RTCA: variants seen among roughly 807,000 people sequenced by gnomAD.
RTCA encodes RNA 3'-terminal phosphate cyclase.
Under a neutral mutation model 46.1 loss-of-function variants are expected in RTCA, and 37 were observed. The ratio of observed to expected loss-of-function variants is 0.80; its 90% confidence interval spans 0.62 to 1.06. RTCA has a LOEUF of 1.06. Ranked by LOEUF, RTCA falls within the 50% of genes least tolerant of loss-of-function variation. The pLI is 0.00. For synonymous variants in RTCA, 164 were observed against 158.3 expected (o/e 1.04, Z -0.27); for missense variants, 435 against 455.5 (o/e 0.95, Z 0.41).
chr1:100,291,614 A>G lies in RTCA; in HGVS notation c.*110A>G. 2.9e-6 allele frequency: 2 copies of G among 690,048 alleles called. No homozygotes were observed. Among genetic ancestry groups the G allele is most frequent in the Non-Finnish European group, 4.9e-6 (2 of 407,446 alleles). 42.7% of individuals were successfully genotyped at this position (690,048 alleles called of 1,614,324 possible). On this transcript the variant is annotated 3_prime_UTR_variant, in exon 11 of 11. Transcript: ENST00000370128. ...TAAAGGCTATGACTTAAATTTGAAGATGAAGTACAGTGTTCTAGGTTTGCT... is the reference window on the plus strand; with the variant it reads ...TAAAGGCTATGACTTAAATTTGAAGGTGAAGTACAGTGTTCTAGGTTTGCT...
At chr1:100,266,877 G>A (rs187364208) in intron 2 of RTCA, 523 of 513,348 alleles carry the variant, frequency 1.0e-3, no homozygotes, top group African/African-American at 9.4e-3. Context: ...TGAAGAGCTA[G>A]CTTTTAAAAT....
At chr1:100,270,443 A>G (rs879457858) in intron 3 of RTCA, 114 bp from the exon 4 acceptor site, 1 of 1,283,880 alleles carries the variant, frequency 7.8e-7, no homozygotes, top group Non-Finnish European at 1.1e-6. Context: ...ACCTGCCTTC[A>G]CAGTTGTCTG....
At chr1:100,283,592 A>G (rs978397410) in intron 8 of RTCA, among the ~76,000 whole-genome samples, 3 of 152,192 alleles carry the variant, frequency 2.0e-5, no homozygotes, top group Admixed American at 6.6e-5. Context: ...TAGATGCTTT[A>G]TAAATATTAT....
chr1:100,287,291 A>G, intron 10 of RTCA, 88 bp downstream of exon 10: 1 of 851,592 alleles, frequency 1.2e-6, no homozygotes, highest in Non-Finnish European at 1.7e-6. Flanking sequence ...ACTTAATAGT[A>G]ATCATAATTG....
rs774404804 is a variant in RTCA at position 100,287,204 on chromosome 1, G to A, written c.999+1G>A. ...ACATTTTGCTGAACAAATAGCAAAG[G>A]TGAGTATTCTATCAGAAAGGGAAAT... On this transcript the variant is annotated splice_donor_variant, in intron 10 of 10. Transcript: ENST00000370128. LOFTEE classifies it high-confidence loss of function. 2 of 1,545,032 alleles carry A rather than the reference G, an allele frequency of 1.3e-6. No homozygotes were observed. The highest frequency in any genetic ancestry group is 2.4e-5 in the East Asian group (1 of 41,096).
intron 2 of RTCA, chr1:100,267,189 T>A: frequency 3.3e-6 from 1 of 301,028 alleles, no homozygotes; most frequent in Non-Finnish European, 6.1e-6. Flanking sequence ...TAGTTGAGCT[T>A]CAGGTACATG....
chr1:100,287,815 A>G (rs779638754), intron 10 of RTCA, among the ~76,000 whole-genome samples: 21 of 146,198 alleles, frequency 1.4e-4, no homozygotes, highest in Non-Finnish European at 2.4e-4. Flanking sequence ...TTTTTTTGAG[A>G]CAGGGTCTCA....
intron 3 of RTCA, among the ~76,000 whole-genome samples, chr1:100,270,032 C>T (rs942566392): frequency 2.6e-5 from 4 of 152,120 alleles, no homozygotes; most frequent in African/African-American, 9.7e-5. Context: ...TCTTTTATGG[C>T]TGCGTAAAAT....
chr1:100,274,336 T>C (rs1336949956), intron 5 of RTCA, among the ~76,000 whole-genome samples: 2 of 152,254 alleles, frequency 1.3e-5, no homozygotes, highest in African/African-American at 4.8e-5. Flanking sequence ...AGTGTTTTGC[T>C]ACTTAAATAT....
intron 8 of RTCA, among the ~76,000 whole-genome samples, chr1:100,280,736 G>T (rs7515020): frequency 0.77 from 117,460 of 152,134 alleles, 47,283 homozygotes; most frequent in East Asian, 0.95. Context: ...GTGTGGTGGC[G>T]TATGCCTGTA....
chr1:100,286,386 G>A (rs998582675), intron 9 of RTCA, among the ~76,000 whole-genome samples: 27 of 149,656 alleles, frequency 1.8e-4, no homozygotes, highest in Admixed American at 1.5e-3. Flanking sequence ...CCTGGGAGGC[G>A]GAGTTTTGCA....
At chr1:100,267,898 A>G (rs559889623) in intron 2 of RTCA, among the ~76,000 whole-genome samples, 1 of 152,294 alleles carries the variant, frequency 6.6e-6, no homozygotes, top group East Asian at 1.9e-4. Context: ...CACACTTCTA[A>G]TTTGCAGCAA....
chr1:100,280,869 G>T (rs1666668403), intron 8 of RTCA, among the ~76,000 whole-genome samples: 1 of 152,176 alleles, frequency 6.6e-6, no homozygotes, highest in South Asian at 2.1e-4. Flanking sequence ...GAGCATGGTG[G>T]CATGTGCTTG....
At chr1:100,266,663 G>C in intron 2 of RTCA, 39 bp downstream of exon 2, 1 of 1,531,678 alleles carries the variant, frequency 6.5e-7, no homozygotes, top group Non-Finnish European at 8.9e-7. Flanking sequence ...CGTGAAGCTG[G>C]GGGATCGGGG....
chr1:100,269,899 A>G (rs1032529413), intron 3 of RTCA, among the ~76,000 whole-genome samples: 5 of 151,958 alleles, frequency 3.3e-5, no homozygotes, highest in African/African-American at 1.2e-4. Flanking sequence ...ATGTGTTCTC[A>G]TTGTTCAACT....
intron 10 of RTCA, among the ~76,000 whole-genome samples, chr1:100,287,726 C>T (rs1482555458): frequency 2.6e-5 from 4 of 151,526 alleles, no homozygotes; most frequent in Non-Finnish European, 4.4e-5. Flanking sequence ...GTAGAGTTGA[C>T]GTACAGTTTT....
intron 2 of RTCA, chr1:100,266,837 TTC>T (rs1219785015): frequency 7.2e-6 from 4 of 554,676 alleles, no homozygotes; most frequent in East Asian, 2.8e-5. Flanking sequence ...GTCTCGAGTT[TTC>T]TCTGTTTGAC....
intron 8 of RTCA, among the ~76,000 whole-genome samples, chr1:100,279,254 A>G (rs191815070): frequency 6.6e-6 from 1 of 152,322 alleles, no homozygotes; most frequent in African/African-American, 2.4e-5. Context: ...GACAGCTATG[A>G]TTCCTGCCTC....
chr1:100,277,176 T>C (rs1219015590), intron 7 of RTCA, 82 bp from the exon 8 acceptor site: 3 of 1,283,496 alleles, frequency 2.3e-6, no homozygotes, highest in Non-Finnish European at 3.4e-6. Flanking sequence ...GCCTATTTAA[T>C]AGTCATTGTT....
Sources: gnomAD v4.1 joint callset for allele counts (sites outside exome capture counted in the v4.1 genomes callset) on GRCh38, gnomAD v4.1.1 for gene constraint, MANE v1.5 for transcripts, NCBI Gene and HGNC (gene_info 2026-07-23, HGNC 2026-07-21) for gene names.